Variants in SULT6B1 observed in about 807,000 individuals in gnomAD.
SULT6B1 encodes sulfotransferase 6B1.
Under a neutral mutation model 37.2 loss-of-function variants are expected in SULT6B1, and 44 were observed. That is an observed-to-expected ratio of 1.18 (90% CI 0.93 to 1.52). The LOEUF (loss-of-function observed/expected upper bound fraction) is 1.52. SULT6B1 is among the 40% of genes most tolerant of loss of function. The pLI is 0.00. For synonymous variants in SULT6B1, 140 were observed against 126.0 expected, an observed-to-expected ratio of 1.11 and a Z score of -0.74; for missense variants, 450 against 361.0, an observed-to-expected ratio of 1.25 and a Z score of -2.00.
At chr2:37,175,792 G>A (rs1676411711) in intron 4 of SULT6B1, among the ~76,000 whole-genome samples, 1 of 152,076 alleles carries the variant, frequency 6.6e-6, no homozygotes, top group Non-Finnish European at 1.5e-5. Context: ...AAAAGCCATG[G>A]AGTATGAGAC....
At chr2:37,188,770 C>G (rs1676726875), upstream of SULT6B1, 1 of 495,738 alleles carries the variant, frequency 2.0e-6, no homozygotes. Flanking sequence ...TAATTCTCAT[C>G]CACCCCTCCC....
chr2:37,176,011 C>T (rs79786298), intron 4 of SULT6B1, among the ~76,000 whole-genome samples: 21 of 152,216 alleles, frequency 1.4e-4, no homozygotes, highest in Non-Finnish European at 2.4e-4. Context: ...AGTTCCTTGG[C>T]ACCAGTCCCA....
At chr2:37,187,017 C>T (rs1334240379) in intron 2 of SULT6B1, among the ~76,000 whole-genome samples, 1 of 152,096 alleles carries the variant, frequency 6.6e-6, no homozygotes, top group Non-Finnish European at 1.5e-5. Flanking sequence ...CTTACTTTCC[C>T]CCTACTTAAA....
intron 4 of SULT6B1, 124 bp from the exon 5 acceptor site, chr2:37,175,350 T>G (rs1225239949): frequency 2.3e-6 from 1 of 429,400 alleles, no homozygotes; most frequent in East Asian, 3.6e-5. Flanking sequence ...TTTATGTTAT[T>G]ATAAATCCCT....
intron 4 of SULT6B1, among the ~76,000 whole-genome samples, chr2:37,178,511 C>G (rs1050743173): frequency 2.9e-4 from 44 of 152,146 alleles, no homozygotes; most frequent in African/African-American, 9.7e-4. Context: ...GCTGGAACTA[C>G]AGGCATGAGC....
intron 4 of SULT6B1, among the ~76,000 whole-genome samples, chr2:37,176,054 A>T (rs1391613677): frequency 6.6e-6 from 1 of 152,166 alleles, no homozygotes; most frequent in Non-Finnish European, 1.5e-5. Flanking sequence ...CCGTTGTCAC[A>T]TATGGTTAGT....
At chr2:37,172,552 G>C (rs1423268837) in intron 5 of SULT6B1, among the ~76,000 whole-genome samples, 1 of 151,774 alleles carries the variant, frequency 6.6e-6, no homozygotes, top group African/African-American at 2.4e-5. Context: ...TTGTTGTCCA[G>C]GGTGGAGCAC....
At chr2:37,193,633 GAAGAAGAAGA>G, upstream of SULT6B1, among the ~76,000 whole-genome samples, 1 of 150,698 alleles carries the variant, frequency 6.6e-6, no homozygotes, top group Non-Finnish European at 1.5e-5. Context: ...AGAAGAAGAA[GAAGAAGAAGA>G]AGAAGAAGGA....
chr2:37,172,599 C>G (rs1676328672), intron 5 of SULT6B1, among the ~76,000 whole-genome samples: 1 of 152,040 alleles, frequency 6.6e-6, no homozygotes. Flanking sequence ...CCTCCACCTC[C>G]AGGGTTCCAG....
chr2:37,179,673 C>T (rs931255806), intron 3 of SULT6B1, 89 bp from the exon 4 acceptor site: 25 of 1,127,058 alleles, frequency 2.2e-5, no homozygotes, highest in East Asian at 1.0e-4. Context: ...CATGTCCACT[C>T]GTATATTACA....
rs776664221 is a variant in SULT6B1, at chr2:37,187,444, CAA to C, written c.221_222del (p.Ile74SerfsTer3). On this transcript the variant is annotated frameshift_variant, in exon 2 of 7. Coordinates refer to ENST00000535679, the MANE Select transcript of SULT6B1 (RefSeq NM_001367551.1). LOFTEE classifies it high-confidence loss of function. The stretch of plus-strand genomic sequence containing the variant: ...GAAACAGCATATATTAATTCACTGA[CAA>C]TGTGGAGAATCCAGTTTGAACCTAT... ...PKCGSNWILH[I>X]VSELIYAVSK... The C allele has an allele frequency of 7.5e-6, 12 of 1,600,586 alleles. No individual in the cohort carries two copies. Among genetic ancestry groups the C allele is most frequent in the Non-Finnish European group, 9.4e-6 (11 of 1,170,392 alleles).
upstream of SULT6B1, chr2:37,191,078 C>T (rs1320532372): frequency 6.6e-6 from 1 of 151,936 alleles, no homozygotes; most frequent in Non-Finnish European, 1.5e-5. Flanking sequence ...TTCCTGGTTA[C>T]AATTGCAGAG....
chr2:37,193,669 G>A (rs938765064), upstream of SULT6B1, among the ~76,000 whole-genome samples: 31 of 151,546 alleles, frequency 2.0e-4, no homozygotes, highest in Non-Finnish European at 3.8e-4. Context: ...AGGAGAAGAA[G>A]GAGAAGAAGG....
At chr2:37,189,197 C>G (rs59501461), upstream of SULT6B1, among the ~76,000 whole-genome samples, 695 of 152,276 alleles carry the variant, frequency 4.6e-3, 6 homozygotes, top group African/African-American at 0.015. Context: ...CTACCATTTA[C>G]TAGTTGTGTT....
upstream of SULT6B1, among the ~76,000 whole-genome samples, chr2:37,189,257 A>G (rs1676736405): frequency 6.6e-6 from 1 of 152,252 alleles, no homozygotes; most frequent in Admixed American, 6.5e-5. Flanking sequence ...AAAATTGTTA[A>G]CAGTGGAAAT....
chr2:37,181,581 A>T (rs1320593608), intron 3 of SULT6B1, among the ~76,000 whole-genome samples: 1 of 151,476 alleles, frequency 6.6e-6, no homozygotes, highest in Non-Finnish European at 1.5e-5. Flanking sequence ...GGGTCTCACT[A>T]TGTTGCCAAG....
At chr2:37,171,802 A>T (rs557521039) in intron 5 of SULT6B1, among the ~76,000 whole-genome samples, 190 of 152,266 alleles carry the variant, frequency 1.2e-3, no homozygotes, top group Non-Finnish European at 2.1e-3. Context: ...GTTTCAATTT[A>T]TGACTCTTGT....
intron 5 of SULT6B1, among the ~76,000 whole-genome samples, chr2:37,173,329 TC>T (rs1295385524): frequency 6.6e-6 from 1 of 152,148 alleles, no homozygotes; most frequent in Non-Finnish European, 1.5e-5. Context: ...CCTCCTTTTT[TC>T]CCCAAACTCT....
upstream of SULT6B1, among the ~76,000 whole-genome samples, chr2:37,191,764 C>A (rs1294462214): frequency 6.6e-6 from 1 of 152,164 alleles, no homozygotes; most frequent in Non-Finnish European, 1.5e-5. Flanking sequence ...TATCCCCCAC[C>A]CTTCACTGGT....
Sources: allele counts gnomAD v4.1 joint callset (sites outside exome capture counted in the v4.1 genomes callset), GRCh38; gene constraint gnomAD v4.1.1; transcripts MANE v1.5; gene names NCBI Gene and HGNC (gene_info 2026-07-23, HGNC 2026-07-21).